Variants in ITCH observed in about 807,000 individuals in gnomAD.
The protein encoded by ITCH is itchy E3 ubiquitin protein ligase, also known as E3 ubiquitin-protein ligase Itchy homolog.
In ITCH, 28 loss-of-function variants were observed where a neutral mutation model predicts 126.8. The observed-to-expected ratio is 0.22, with a 90% CI of 0.16 to 0.30. ITCH has a LOEUF of 0.30. Among genes scored for constraint, ITCH ranks in the 10% least tolerant of loss-of-function variants. The probability of loss-of-function intolerance (pLI) is 1.00; values close to 1 mark genes in which losing one functional copy is unlikely to be tolerated. For missense variants in ITCH, 631 were observed against 1,032.4 expected, an observed-to-expected ratio of 0.61 and a Z score of 5.33; for synonymous variants, 342 against 340.0, an observed-to-expected ratio of 1.01 and a Z score of -0.06.
chr20:34,496,166 C>T (rs1989869379), intron 23 of ITCH, among the ~76,000 whole-genome samples: 3 of 152,078 alleles, frequency 2.0e-5, no homozygotes, highest in African/African-American at 4.8e-5. Flanking sequence ...ATTTTTTAAT[C>T]TGTAACAGTT....
intron 3 of ITCH, among the ~76,000 whole-genome samples, chr20:34,401,028 G>C (rs560439234): frequency 6.6e-6 from 1 of 152,014 alleles, no homozygotes; most frequent in Non-Finnish European, 1.5e-5. Context: ...CAAAGTTCTC[G>C]AATTACAGGC....
intron 13 of ITCH, among the ~76,000 whole-genome samples, chr20:34,458,620 G>A (rs1442825043): frequency 6.6e-6 from 1 of 152,170 alleles, no homozygotes; most frequent in Admixed American, 6.5e-5. Flanking sequence ...CACGATGTCA[G>A]CAGGGCCATG....
At chr20:34,465,498 CTG>C (rs1334992613) in intron 14 of ITCH, among the ~76,000 whole-genome samples, 1 of 152,002 alleles carries the variant, frequency 6.6e-6, no homozygotes, top group Non-Finnish European at 1.5e-5. Context: ...GATTCAATAT[CTG>C]TATCAATCTG....
intron 23 of ITCH, among the ~76,000 whole-genome samples, chr20:34,494,397 A>G (rs1470642264): frequency 6.6e-6 from 1 of 150,594 alleles, no homozygotes. Flanking sequence ...AGTTTTTGTT[A>G]GGAGACAGAA....
At position 34,478,034 on chromosome 20, in the gene ITCH, C is replaced by A. The variant is rs924779238; in HGVS notation, c.1658+174C>A. 4.0e-6 allele frequency: 3 copies of A among 758,140 alleles called. No homozygotes were observed. The African/African-American group carries it at 5.3e-5, about 13-fold the overall frequency. The allele number at this position is 758,140 out of a possible 1,614,324, so 47.0% of individuals were successfully genotyped here. On this transcript the variant is annotated intron_variant, in intron 17 of 24. Transcript: ENST00000374864. ...ATTTCAAAAAACATTTAATTCAGCA[C>A]TTTCTATGTCATGTACAGCTGATTG...
intron 7 of ITCH, among the ~76,000 whole-genome samples, chr20:34,436,039 C>A (rs1313530378): frequency 2.6e-5 from 4 of 152,104 alleles, no homozygotes; most frequent in Non-Finnish European, 5.9e-5. Context: ...AAATTGAGAT[C>A]AAAATGTTAT....
chr20:34,417,401 T>C (rs1980052628), intron 6 of ITCH, among the ~76,000 whole-genome samples: 2 of 123,080 alleles, frequency 1.6e-5, no homozygotes, highest in African/African-American at 3.1e-5. Context: ...CCCGGCTGAC[T>C]TTTTTTTTTT....
intron 14 of ITCH, among the ~76,000 whole-genome samples, chr20:34,462,864 C>T (rs1986671186): frequency 6.6e-6 from 1 of 152,132 alleles, no homozygotes; most frequent in Non-Finnish European, 1.5e-5. Flanking sequence ...AATATTTATG[C>T]TTATGTTTCT....
At chr20:34,366,153 A>G (rs577308945) in intron 1 of ITCH, among the ~76,000 whole-genome samples, 2 of 152,300 alleles carry the variant, frequency 1.3e-5, no homozygotes, top group Admixed American at 1.3e-4. Flanking sequence ...GGATTATGGA[A>G]CAAAAAGGGT....
chr20:34,395,737 T>C (rs569501667), intron 3 of ITCH, among the ~76,000 whole-genome samples: 5 of 152,240 alleles, frequency 3.3e-5, no homozygotes, highest in Admixed American at 6.5e-5. Context: ...TTGGGCAGAC[T>C]GTTTTCAAAG....
At chr20:34,464,078 C>T (rs1341939930) in intron 14 of ITCH, among the ~76,000 whole-genome samples, 5 of 151,654 alleles carry the variant, frequency 3.3e-5, no homozygotes, top group Admixed American at 2.0e-4. Flanking sequence ...GGGTTCACGC[C>T]ATTCTCCTGC....
Position 34,398,681 on chromosome 20 carries a change from A to C in ITCH, c.70+4800A>C, listed in dbSNP as rs189448079. ...CCCAAAGTGCTGGGATTACAGCGTG[A>C]GCCACCGCGCCTGGCCTTAAATATT... On this transcript the variant is annotated intron_variant, in intron 3 of 24. Transcript: ENST00000374864. 2.5e-3 allele frequency among the ~76,000 whole-genome samples: 383 copies of C among 152,250 alleles called. 1 individual carries two copies. The highest frequency in any genetic ancestry group is 3.6e-3 in the Non-Finnish European group (245 of 68,016).
chr20:34,368,474 A>G (rs955501692), intron 1 of ITCH, among the ~76,000 whole-genome samples: 9 of 151,630 alleles, frequency 5.9e-5, no homozygotes, highest in Non-Finnish European at 1.3e-4. Context: ...CATAATAAGC[A>G]CTCAGTAAAG....
chr20:34,424,856 C>T (rs996710156), intron 7 of ITCH, among the ~76,000 whole-genome samples: 2 of 152,146 alleles, frequency 1.3e-5, no homozygotes, highest in African/African-American at 2.4e-5. Context: ...GAGATAGGAG[C>T]TTTACACATA....
At chr20:34,440,415 A>G in intron 9 of ITCH, 71 bp downstream of exon 9, 1 of 1,158,828 alleles carries the variant, frequency 8.6e-7, no homozygotes. Flanking sequence ...AATAAGGAAA[A>G]TAACAGTAAA....
At chr20:34,365,500 C>T (rs1052281453) in intron 1 of ITCH, among the ~76,000 whole-genome samples, 25 of 149,864 alleles carry the variant, frequency 1.7e-4, no homozygotes, top group African/African-American at 4.0e-4. Flanking sequence ...CTGTAACCTC[C>T]GCCTCCCGGG....
At chr20:34,490,313 A>C (rs1487509942) in intron 22 of ITCH, among the ~76,000 whole-genome samples, 1 of 152,210 alleles carries the variant, frequency 6.6e-6, no homozygotes, top group Non-Finnish European at 1.5e-5. Context: ...TCTCTCTAAA[A>C]ATGTCTGCCT....
intron 2 of ITCH, among the ~76,000 whole-genome samples, chr20:34,388,972 A>T (rs1352072220): frequency 6.6e-6 from 1 of 152,132 alleles, no homozygotes; most frequent in African/African-American, 2.4e-5. Flanking sequence ...TGAAAATCTA[A>T]GAGAGACCCA....
intron 14 of ITCH, among the ~76,000 whole-genome samples, chr20:34,468,543 C>A (rs545332819): frequency 1.2e-4 from 18 of 151,812 alleles, no homozygotes; most frequent in Non-Finnish European, 1.9e-4. Context: ...GTAATCCCAG[C>A]ACTTTGGGAG....
Sources: allele counts gnomAD v4.1 joint callset (sites outside exome capture counted in the v4.1 genomes callset), GRCh38; gene constraint gnomAD v4.1.1; transcripts MANE v1.5; gene names NCBI Gene and HGNC (gene_info 2026-07-23, HGNC 2026-07-21).